The following ROBO1 variants were observed in gnomAD, a reference collection of about 807,000 sequenced individuals.
ROBO1 encodes roundabout homolog 1.
Under a neutral mutation model 195.9 loss-of-function variants are expected in ROBO1, and 149 were observed. The observed-to-expected ratio is 0.76, with a 90% CI of 0.67 to 0.87. The LOEUF (loss-of-function observed/expected upper bound fraction) is 0.87. Ranked by LOEUF, ROBO1 falls within the 40% of genes least tolerant of loss-of-function variation. The pLI is 0.00. For missense variants in ROBO1, 1,933 were observed against 2,068.3 expected (o/e 0.93, Z 1.27); for synonymous variants, 816 against 733.2 (o/e 1.11, Z -1.82).
chr3:79,154,522 A>C (rs1198349105), intron 2 of ROBO1, among the ~76,000 whole-genome samples: 1 of 151,792 alleles, frequency 6.6e-6, no homozygotes, highest in Non-Finnish European at 1.5e-5. Flanking sequence ...GTATGGCATG[A>C]AACAACTCAC....
At chr3:78,691,444 A>G (rs1373493611) in intron 8 of ROBO1, among the ~76,000 whole-genome samples, 8 of 152,152 alleles carry the variant, frequency 5.3e-5, no homozygotes, top group Non-Finnish European at 1.5e-5. Context: ...ATACTATTTA[A>G]AAAAATTCAT....
At chr3:79,685,377 G>C (rs1049814612) in intron 1 of ROBO1, among the ~76,000 whole-genome samples, 1 of 152,142 alleles carries the variant, frequency 6.6e-6, no homozygotes, top group Admixed American at 6.5e-5. Context: ...TTTGTTCTGA[G>C]TTCAGGAATA....
At chr3:79,579,747 C>T (rs957550398) in intron 2 of ROBO1, among the ~76,000 whole-genome samples, 2 of 151,812 alleles carry the variant, frequency 1.3e-5, no homozygotes, top group African/African-American at 4.8e-5. Flanking sequence ...ATCTAGAAGC[C>T]TGAATTTCTC....
At chr3:79,052,529 G>T (rs1418758425) in intron 3 of ROBO1, among the ~76,000 whole-genome samples, 2 of 151,870 alleles carry the variant, frequency 1.3e-5, no homozygotes, top group Admixed American at 6.6e-5. Context: ...CTCCCTATTT[G>T]TACACCCCTC....
chr3:79,052,240 A>C (rs1040894675), intron 3 of ROBO1, among the ~76,000 whole-genome samples: 47 of 152,070 alleles, frequency 3.1e-4, no homozygotes, highest in African/African-American at 1.1e-3. Context: ...TGTTTGTCTT[A>C]TGCAGTTGAA....
At chr3:79,468,270 T>G (rs1300975475) in intron 2 of ROBO1, among the ~76,000 whole-genome samples, 1 of 152,236 alleles carries the variant, frequency 6.6e-6, no homozygotes. Context: ...TATGTGAGAC[T>G]TCCTTCTAAG....
chr3:78,777,907 T>C (rs1161535983), intron 4 of ROBO1, among the ~76,000 whole-genome samples: 5 of 152,212 alleles, frequency 3.3e-5, no homozygotes, highest in Admixed American at 2.0e-4. Flanking sequence ...ATCCTTGCCT[T>C]GTGCCGGTTT....
At chr3:78,904,774 G>A (rs2037804756) in intron 4 of ROBO1, among the ~76,000 whole-genome samples, 1 of 150,790 alleles carries the variant, frequency 6.6e-6, no homozygotes, top group South Asian at 2.1e-4. Flanking sequence ...ATATGTATAG[G>A]TATATATGTA....
chr3:79,337,654 C>G (rs2034733089), intron 2 of ROBO1, among the ~76,000 whole-genome samples: 1 of 152,178 alleles, frequency 6.6e-6, no homozygotes, highest in South Asian at 2.1e-4. Flanking sequence ...CTCATACTTT[C>G]TCACACCCTA....
At chr3:78,797,916 T>C (rs960882899) in intron 4 of ROBO1, among the ~76,000 whole-genome samples, 5 of 152,176 alleles carry the variant, frequency 3.3e-5, no homozygotes, top group Admixed American at 1.3e-4. Flanking sequence ...TTCTTTATGA[T>C]ATGAGGAAAC....
At chr3:78,988,654 T>C (rs1048913360) in intron 3 of ROBO1, among the ~76,000 whole-genome samples, 66 of 152,236 alleles carry the variant, frequency 4.3e-4, no homozygotes, top group African/African-American at 1.4e-3. Flanking sequence ...TTTCTGTCAC[T>C]GAAGTAATTC....
At chr3:79,295,072 A>G (rs957213240) in intron 2 of ROBO1, among the ~76,000 whole-genome samples, 1 of 152,198 alleles carries the variant, frequency 6.6e-6, no homozygotes, top group African/African-American at 2.4e-5. Context: ...TAGAAATACC[A>G]TTTGACCCAT....
At chr3:78,657,654 T>C (rs752423314) in intron 17 of ROBO1, among the ~76,000 whole-genome samples, 10 of 152,326 alleles carry the variant, frequency 6.6e-5, no homozygotes, top group Middle Eastern at 6.8e-3. Flanking sequence ...TCAAGAATAA[T>C]ACTCATTCAA....
intron 4 of ROBO1, among the ~76,000 whole-genome samples, chr3:78,753,430 A>G (rs1056050427): frequency 2.3e-4 from 35 of 152,202 alleles, no homozygotes; most frequent in Non-Finnish European, 4.7e-4. Context: ...CTAAGTCTTC[A>G]GGACAAAGAG....
At chr3:79,412,344 C>T (rs2037803385) in intron 2 of ROBO1, among the ~76,000 whole-genome samples, 1 of 152,130 alleles carries the variant, frequency 6.6e-6, no homozygotes, top group South Asian at 2.1e-4. Flanking sequence ...TGCCATCTCT[C>T]ACTTCTTCCA....
In ROBO1 at chr3:78,909,294, A is replaced by G. The variant is rs576276789; in HGVS notation, c.499+29307T>C. Among the ~76,000 whole-genome samples the G allele has an allele frequency of 4.7e-4, 71 of 152,058 alleles. 1 individual carries two copies. Among genetic ancestry groups the G allele is most frequent in the Middle Eastern group, 6.8e-3 (2 of 294 alleles). ...TTAAAATTGTTACAAAATAAAAACA[A>G]AAATTGCATATATATACAATAATAA... On this transcript the variant is annotated intron_variant, in intron 4 of 30. Coordinates refer to ENST00000464233, the MANE Select transcript of ROBO1 (RefSeq NM_002941.4).
chr3:78,978,213 T>C (rs1284124654), intron 3 of ROBO1, among the ~76,000 whole-genome samples: 1 of 152,040 alleles, frequency 6.6e-6, no homozygotes, highest in Non-Finnish European at 1.5e-5. Flanking sequence ...AGTAAACATA[T>C]ATGCTTCCAT....
rs1273175578 is a variant in ROBO1 at position 78,662,036 on chromosome 3, T to C, written c.2045A>G (p.Asn682Ser). The change falls in exon 15 of 31, where the codon AAC becomes AGC. Residue 682 changes from asparagine to serine, a missense_variant. By Grantham distance (46) the Asn-to-Ser change is conservative (BLOSUM62 1). Coordinates refer to ENST00000464233, the MANE Select transcript of ROBO1 (RefSeq NM_002941.4). Reference sequence around the variant, plus strand: ...GGAAGAGGAAGAAAGGACGGTGGGGTTGTGGAGGTGCAGAACAGCATTTCC... The same window carrying C: ...GGAAGAGGAAGAAAGGACGGTGGGGCTGTGGAGGTGCAGAACAGCATTTCC... ...ELGNAVLHLH[N>S]PTVLSSSSIE... 2 of 1,602,574 alleles carry C rather than the reference T, an allele frequency of 1.2e-6. No homozygotes were observed. Among genetic ancestry groups the C allele is most frequent in the Non-Finnish European group, 1.7e-6 (2 of 1,174,614 alleles).
rs1218196090 is a variant in ROBO1 at position 79,004,114 on chromosome 3, A to G, written c.173-65187T>C. Among the ~76,000 whole-genome samples, 4 of 152,188 alleles carry G rather than the reference A, an allele frequency of 2.6e-5. No homozygotes were observed. In the South Asian group the frequency reaches 6.2e-4, roughly 24 times the overall value. ...CTATTTTGTGAGATCCAGTACAAAT[A>G]TAACTGTTGAGTGCCCCCATTTATA... On this transcript the variant is annotated intron_variant, in intron 3 of 30. Transcript: ENST00000464233.
Sources: allele counts gnomAD v4.1 joint callset (sites outside exome capture counted in the v4.1 genomes callset), GRCh38; gene constraint gnomAD v4.1.1; transcripts MANE v1.5; gene names NCBI Gene and HGNC (gene_info 2026-07-23, HGNC 2026-07-21).